Variants in KCNIP4 observed in about 807,000 individuals in gnomAD.
The protein encoded by KCNIP4 is potassium voltage-gated channel interacting protein 4.
A neutral mutation model predicts 34.0 loss-of-function variants in KCNIP4; 12 were observed. The ratio of observed to expected loss-of-function variants is 0.35; its 90% confidence interval spans 0.23 to 0.57. The LOEUF (loss-of-function observed/expected upper bound fraction) is 0.57. KCNIP4 is among the 20% of genes least tolerant of loss of function. KCNIP4 has a pLI of 0.83. For missense variants in KCNIP4, 238 were observed against 311.7 expected, an observed-to-expected ratio of 0.76 and a Z score of 1.78; for synonymous variants, 124 against 102.2, an observed-to-expected ratio of 1.21 and a Z score of -1.29.
At chr4:21,411,622 C>T (rs1219640294) in intron 1 of KCNIP4, among the ~76,000 whole-genome samples, 1 of 152,064 alleles carries the variant, frequency 6.6e-6, no homozygotes, top group African/African-American at 2.4e-5. Context: ...TGAGACCAGC[C>T]TGGACAACAT....
chr4:21,235,542 C>T (rs1365181485), intron 1 of KCNIP4, among the ~76,000 whole-genome samples: 1 of 152,176 alleles, frequency 6.6e-6, no homozygotes, highest in African/African-American at 2.4e-5. Context: ...TCAAACGTCC[C>T]TCCTCAGAGA....
At chr4:20,808,850 T>A (rs1283592943) in intron 3 of KCNIP4, among the ~76,000 whole-genome samples, 1 of 152,192 alleles carries the variant, frequency 6.6e-6, no homozygotes, top group Non-Finnish European at 1.5e-5. Flanking sequence ...CATCTCCACC[T>A]CATCATGCAA....
In KCNIP4 at chr4:21,352,211, T is replaced by C. The variant is rs566390313; in HGVS notation, c.62-469502A>G. On this transcript the variant is annotated intron_variant, in intron 1 of 8. Transcript: ENST00000382152. ...GGTCTGCAGCTCCCAGTGTGATCGA[T>C]GCAGAAGATGGGTGACTTCTGCATT... Among the ~76,000 whole-genome samples the C allele has an allele frequency of 3.9e-5, 6 of 152,302 alleles. No individual in the cohort carries two copies. The East Asian group carries it at 1.2e-3, about 30-fold the overall frequency.
intron 1 of KCNIP4, among the ~76,000 whole-genome samples, chr4:21,470,453 C>A (rs6813065): frequency 0.67 from 101,988 of 152,024 alleles, 34,418 homozygotes; most frequent in African/African-American, 0.72. Context: ...ACATGCTACT[C>A]TCTGTTCTAC....
intron 3 of KCNIP4, among the ~76,000 whole-genome samples, chr4:20,793,676 C>T (rs1447648154): frequency 6.6e-6 from 1 of 152,022 alleles, no homozygotes; most frequent in Non-Finnish European, 1.5e-5. Context: ...CTTGATTTCT[C>T]TTATTATTAC....
At chr4:20,891,782 G>T (rs1420477927) in intron 1 of KCNIP4, among the ~76,000 whole-genome samples, 1 of 151,966 alleles carries the variant, frequency 6.6e-6, no homozygotes, top group Non-Finnish European at 1.5e-5. Context: ...TTGGGCAAAA[G>T]TAATTGTGAT....
At chr4:21,640,571 T>C (rs940770940) in intron 1 of KCNIP4, among the ~76,000 whole-genome samples, 1 of 152,158 alleles carries the variant, frequency 6.6e-6, no homozygotes, top group Non-Finnish European at 1.5e-5. Context: ...GTGGGCCAGC[T>C]TCTGATCCAT....
intron 1 of KCNIP4, among the ~76,000 whole-genome samples, chr4:20,909,288 T>C (rs1728101891): frequency 6.6e-6 from 1 of 152,232 alleles, no homozygotes; most frequent in Admixed American, 6.5e-5. Flanking sequence ...AGAGTGTTAT[T>C]TCATAGAGCA....
chr4:21,093,726 G>A (rs561285192), intron 1 of KCNIP4, among the ~76,000 whole-genome samples: 1 of 152,146 alleles, frequency 6.6e-6, no homozygotes, highest in East Asian at 1.9e-4. Context: ...ATAAAAATTA[G>A]AAAATAGAGA....
intron 3 of KCNIP4, among the ~76,000 whole-genome samples, chr4:20,783,350 G>T (rs1187860567): frequency 6.6e-6 from 1 of 152,136 alleles, no homozygotes; most frequent in Non-Finnish European, 1.5e-5. Flanking sequence ...GTATTAGTCA[G>T]TTTTCACACT....
At chr4:21,143,025 C>G (rs1168524200) in intron 1 of KCNIP4, among the ~76,000 whole-genome samples, 1 of 152,076 alleles carries the variant, frequency 6.6e-6, no homozygotes, top group Non-Finnish European at 1.5e-5. Context: ...GACATTGAAA[C>G]TGACCAAAAA....
chr4:20,773,721 T>G (rs1323488422), intron 3 of KCNIP4, among the ~76,000 whole-genome samples: 1 of 152,228 alleles, frequency 6.6e-6, no homozygotes, highest in Non-Finnish European at 1.5e-5. Flanking sequence ...ATTTCCTTTT[T>G]ATGAACGGTG....
At chr4:20,864,292 A>G (rs983644521) in intron 2 of KCNIP4, among the ~76,000 whole-genome samples, 2 of 151,578 alleles carry the variant, frequency 1.3e-5, no homozygotes, top group South Asian at 2.1e-4. Context: ...GCATATATGT[A>G]CACATATGTA....
At chr4:21,438,654 A>G (rs1532378) in intron 1 of KCNIP4, among the ~76,000 whole-genome samples, 2,232 of 152,338 alleles carry the variant, frequency 0.015, 73 homozygotes, top group East Asian at 0.15. Context: ...TTAACAGAAT[A>G]CCAGATATTT....
chr4:21,683,496 C>G (rs1750560576), intron 1 of KCNIP4, among the ~76,000 whole-genome samples: 1 of 98 alleles, frequency 0.01, no homozygotes, highest in Non-Finnish European at 0.019. Context: ...GAGACAGAGT[C>G]TCACTCTGTC....
At chr4:21,396,027 A>G (rs1722958107) in intron 1 of KCNIP4, among the ~76,000 whole-genome samples, 1 of 151,852 alleles carries the variant, frequency 6.6e-6, no homozygotes, top group Non-Finnish European at 1.5e-5. Flanking sequence ...AATACTATAT[A>G]TATACATATA....
At chr4:21,714,081 A>C (rs1036603978) in intron 1 of KCNIP4, among the ~76,000 whole-genome samples, 1 of 152,158 alleles carries the variant, frequency 6.6e-6, no homozygotes, top group Admixed American at 6.6e-5. Context: ...TGGAAACCTA[A>C]GGAATAAGTT....
At chr4:21,943,865 A>C (rs941795567) in intron 1 of KCNIP4, among the ~76,000 whole-genome samples, 2 of 152,132 alleles carry the variant, frequency 1.3e-5, no homozygotes, top group African/African-American at 4.8e-5. Flanking sequence ...TGGAAATTGA[A>C]GGAAGAGACA....
chr4:21,875,895 C>T (rs748320681), intron 1 of KCNIP4, among the ~76,000 whole-genome samples: 1 of 152,054 alleles, frequency 6.6e-6, no homozygotes. Context: ...GAAGAAAATA[C>T]AAGCTTATTG....
Sources: allele counts gnomAD v4.1 joint callset (sites outside exome capture counted in the v4.1 genomes callset), GRCh38; gene constraint gnomAD v4.1.1; transcripts MANE v1.5; gene names NCBI Gene and HGNC (gene_info 2026-07-23, HGNC 2026-07-21).